Variants in DYNC2H1 observed in about 807,000 individuals in gnomAD.
DYNC2H1 encodes dynein cytoplasmic 2 heavy chain 1.
In DYNC2H1, 410 loss-of-function variants were observed where a neutral mutation model predicts 570.0. That is an observed-to-expected ratio of 0.72 (90% CI 0.66 to 0.78). The LOEUF (loss-of-function observed/expected upper bound fraction) is 0.78. DYNC2H1 is among the 30% of genes least tolerant of loss of function. The pLI is 0.00. For synonymous variants in DYNC2H1, 1,688 were observed against 1,677.6 expected (o/e 1.01, Z -0.15); for missense variants, 4,865 against 5,046.4 (o/e 0.96, Z 1.09).
intron 82 of DYNC2H1, among the ~76,000 whole-genome samples, chr11:103,329,057 T>C (rs923301364): frequency 5.9e-5 from 9 of 151,940 alleles, no homozygotes; most frequent in African/African-American, 2.2e-4. Context: ...CAGATGTAGA[T>C]ATGATAAAAA....
chr11:103,209,844 T>A lies in DYNC2H1; in HGVS notation c.8455-32T>A. ...TTAACTTATGATATGGGACTTATAC[T>A]CTTTCATAGTGATATTCTTTTTATG... On this transcript the variant is annotated intron_variant, in intron 52 of 88. Coordinates refer to ENST00000375735, the MANE Select transcript of DYNC2H1 (RefSeq NM_001377.3). The surrounding 1 kb of genome is among the most constrained non-coding windows in gnomAD (Gnocchi z 4.2). 1 of 1,415,830 alleles carries A rather than the reference T, an allele frequency of 7.1e-7. No homozygotes were observed. Among genetic ancestry groups the A allele is most frequent in the Non-Finnish European group, 9.3e-7 (1 of 1,080,552 alleles). The allele number at this position is 1,415,830 out of a possible 1,614,324, so 87.7% of individuals were successfully genotyped here.
rs745471878 is a variant in DYNC2H1 at position 103,147,779 on chromosome 11, A to C, written c.2710A>C (p.Lys904Gln). Residue 904 changes from lysine to glutamine, a missense_variant, in exon 19 of 89, where the codon AAG (lysine) becomes CAG (glutamine). Physicochemically the swap from Lys to Gln is moderately conservative, Grantham distance 53 (BLOSUM62 1). Transcript: ENST00000375735. ...TCCATTGACATTTTTCAGTGCTGTC[A>C]AGGTAGATTGTTTAAATATTAATTG... ...KEVERLPSAV[K>Q]VDCLNINCNP... is the part of the protein sequence containing the mutation. The C allele has an allele frequency of 1.2e-6, 2 of 1,603,252 alleles. No individual in the cohort carries two copies. The highest frequency in any genetic ancestry group is 1.7e-6 in the Non-Finnish European group (2 of 1,174,228).
chr11:103,359,286 T>G (rs936418499), intron 83 of DYNC2H1, among the ~76,000 whole-genome samples: 2 of 152,222 alleles, frequency 1.3e-5, no homozygotes, highest in African/African-American at 2.4e-5. Context: ...CAGCTCATAT[T>G]GCTAAGTGTG....
intron 83 of DYNC2H1, among the ~76,000 whole-genome samples, chr11:103,389,707 C>T (rs575832325): frequency 9.9e-5 from 15 of 151,466 alleles, no homozygotes; most frequent in South Asian, 2.1e-4. Context: ...TCTTTGTTCT[C>T]GTTAGTTTCA....
chr11:103,320,880 C>A, intron 80 of DYNC2H1, 149 bp from the exon 81 acceptor site: 3 of 641,978 alleles, frequency 4.7e-6, no homozygotes, highest in East Asian at 2.9e-5. Flanking sequence ...ATTAAAAAAT[C>A]TCAAATATTT....
intron 84 of DYNC2H1, among the ~76,000 whole-genome samples, chr11:103,427,785 A>C (rs928615244): frequency 9.2e-5 from 14 of 152,038 alleles, no homozygotes; most frequent in Non-Finnish European, 1.9e-4. Flanking sequence ...TTGCCTCCTA[A>C]TATTATCACA....
At chr11:103,176,744 C>T (rs552395086) in intron 37 of DYNC2H1, among the ~76,000 whole-genome samples, 10 of 152,178 alleles carry the variant, frequency 6.6e-5, no homozygotes, top group African/African-American at 1.4e-4. Flanking sequence ...CTTGCTTTGT[C>T]GCCCAGGCTG....
intron 85 of DYNC2H1, among the ~76,000 whole-genome samples, chr11:103,442,452 A>G (rs1944300652): frequency 6.6e-6 from 1 of 152,154 alleles, no homozygotes; most frequent in Non-Finnish European, 1.5e-5. Context: ...TACTATAGCA[A>G]TAGTATTACA....
chr11:103,291,328 C>T (rs1866588298), intron 75 of DYNC2H1, among the ~76,000 whole-genome samples: 1 of 152,096 alleles, frequency 6.6e-6, no homozygotes, highest in Non-Finnish European at 1.5e-5. Flanking sequence ...ATCCCAGCTA[C>T]TCAGGAGGCT....
Position 103,399,146 on chromosome 11 carries a change from T to TTG in DYNC2H1, c.12157-516_12157-515insGT, listed in dbSNP as rs1159172167. Among the ~76,000 whole-genome samples the TTG allele has an allele frequency of 4.9e-5, 7 of 141,830 alleles. 1 individual carries two copies. Among genetic ancestry groups the TTG allele is most frequent in the African/African-American group, 2.0e-4 (7 of 35,122 alleles). 93.0% of individuals were successfully genotyped at this position (141,830 alleles called of 152,430 possible). On this transcript the variant is annotated intron_variant, in intron 83 of 88. Transcript: ENST00000375735. ...TTCTCATTTCCCACACCGTTTTTTTTTTGTTTTTTTTTTTGAGATGGAGTC... is the reference window on the plus strand; with the variant it reads ...TTCTCATTTCCCACACCGTTTTTTTTTGTTGTTTTTTTTTTTGAGATGGAGTC...
At chr11:103,116,462 A>G in intron 4 of DYNC2H1, 108 bp from the exon 5 acceptor site, 1 of 737,304 alleles carries the variant, frequency 1.4e-6, no homozygotes, top group Non-Finnish European at 1.9e-6. Flanking sequence ...AGAAAATAAT[A>G]TGGCAAATAT....
chr11:103,478,107 G>A (rs189695111), intron 88 of DYNC2H1, among the ~76,000 whole-genome samples: 3 of 152,194 alleles, frequency 2.0e-5, no homozygotes, highest in East Asian at 3.9e-4. Context: ...ATGCAGTAGC[G>A]ATTGCATTGC....
intron 21 of DYNC2H1, among the ~76,000 whole-genome samples, chr11:103,152,802 A>T (rs919112686): frequency 6.6e-6 from 1 of 152,026 alleles, no homozygotes; most frequent in Non-Finnish European, 1.5e-5. Context: ...TAGGGTTGGG[A>T]GAGAGAAAAG....
chr11:103,113,590 T>C lies in DYNC2H1; in HGVS notation c.249T>C (p.Pro83=). 1 of 1,579,430 alleles carries C rather than the reference T, an allele frequency of 6.3e-7. No individual in the cohort carries two copies. Among genetic ancestry groups the C allele is most frequent in the African/African-American group, 1.4e-5 (1 of 73,072 alleles). Residue 83 remains proline (P), a synonymous_variant, in exon 2 of 89, where the codon CCT becomes CCC. Coordinates refer to ENST00000375735, the MANE Select transcript of DYNC2H1 (RefSeq NM_001377.3). ...TGCTGGTGTTTTTCAAGCTGCGACCTGAAGTAATTACTGATGAGAATCTAC... is the reference window on the plus strand; with the variant it reads ...TGCTGGTGTTTTTCAAGCTGCGACCCGAAGTAATTACTGATGAGAATCTAC... ...DKVLVFFKLR[P]EVITDENLHD... is the part of the protein sequence containing the mutation.
At chr11:103,435,049 C>G (rs1283612902) in intron 84 of DYNC2H1, among the ~76,000 whole-genome samples, 1 of 152,094 alleles carries the variant, frequency 6.6e-6, no homozygotes, top group Non-Finnish European at 1.5e-5. Context: ...TGTTTTAGAT[C>G]AAAGCACAGT....
intron 17 of DYNC2H1, 142 bp from the exon 18 acceptor site, chr11:103,143,125 TA>T: frequency 2.7e-6 from 2 of 729,656 alleles, no homozygotes; most frequent in Non-Finnish European, 4.4e-6. Context: ...GGCTGTGCAG[TA>T]ATGATTATAT....
chr11:103,294,357 G>A (rs1866735097), intron 75 of DYNC2H1, among the ~76,000 whole-genome samples: 1 of 152,062 alleles, frequency 6.6e-6, no homozygotes, highest in Non-Finnish European at 1.5e-5. Context: ...CTTCTTGAGA[G>A]GGCTTTCTAG....
At chr11:103,469,503 T>G (rs1220044834) in intron 88 of DYNC2H1, among the ~76,000 whole-genome samples, 1 of 152,184 alleles carries the variant, frequency 6.6e-6, no homozygotes, top group Non-Finnish European at 1.5e-5. Context: ...TGGGAAATAA[T>G]GCATTGAATT....
At chr11:103,310,228 T>C (rs1451249569) in intron 78 of DYNC2H1, among the ~76,000 whole-genome samples, 1 of 152,082 alleles carries the variant, frequency 6.6e-6, no homozygotes, top group Non-Finnish European at 1.5e-5. Context: ...ATTTTCTTCT[T>C]TTTTCTGTTT....
Sources: gnomAD v4.1 joint callset for allele counts (sites outside exome capture counted in the v4.1 genomes callset) on GRCh38, gnomAD v4.1.1 for gene constraint, Gnocchi (gnomAD v3.1) non-coding constraint, MANE v1.5 for transcripts, NCBI Gene and HGNC (gene_info 2026-07-23, HGNC 2026-07-21) for gene names.